SLC30A8: variants seen among roughly 807,000 people sequenced by gnomAD.
SLC30A8 encodes proton-coupled zinc antiporter SLC30A8.
SLC30A8 carries 27 observed loss-of-function variants against 36.9 expected under a neutral mutation model. That is an observed-to-expected ratio of 0.73 (90% CI 0.54 to 1.01). The LOEUF is 1.01. Among genes scored for constraint, SLC30A8 ranks in the 50% least tolerant of loss-of-function variants. The probability of loss-of-function intolerance (pLI) is 0.00; values close to 1 mark genes in which losing one functional copy is unlikely to be tolerated. For missense variants in SLC30A8, 439 were observed against 452.0 expected (o/e 0.97, Z 0.26); for synonymous variants, 164 against 172.4 (o/e 0.95, Z 0.38).
intron 1 of SLC30A8, among the ~76,000 whole-genome samples, chr8:116,983,030 T>A (rs1815329049): frequency 6.6e-6 from 1 of 152,188 alleles, no homozygotes; most frequent in African/African-American, 2.4e-5. Context: ...TTTGATAAAT[T>A]GAAAGAATCT....
chr8:117,147,512 C>G (rs1050581591), intron 2 of SLC30A8: 1 of 195,374 alleles, frequency 5.1e-6, no homozygotes, highest in African/African-American at 2.3e-5. Context: ...CTCTAATATG[C>G]TCCACTGTAA....
At chr8:116,972,613 G>A (rs566306725) in intron 1 of SLC30A8, among the ~76,000 whole-genome samples, 8 of 152,234 alleles carry the variant, frequency 5.3e-5, no homozygotes, top group South Asian at 4.1e-4. Flanking sequence ...CTAAACATAC[G>A]AATTAGTGAA....
chr8:117,157,124 C>G (rs1822530956), intron 3 of SLC30A8, among the ~76,000 whole-genome samples: 1 of 152,144 alleles, frequency 6.6e-6, no homozygotes, highest in South Asian at 2.1e-4. Flanking sequence ...CGTACTGTTG[C>G]TCTTAAAATG....
At chr8:117,003,953 A>C (rs1816094328) in intron 1 of SLC30A8, among the ~76,000 whole-genome samples, 1 of 152,198 alleles carries the variant, frequency 6.6e-6, no homozygotes, top group South Asian at 2.1e-4. Flanking sequence ...CAGAATATTG[A>C]ATGTAAAAAA....
chr8:117,001,492 A>G (rs898793847), intron 1 of SLC30A8, among the ~76,000 whole-genome samples: 1 of 152,106 alleles, frequency 6.6e-6, no homozygotes, highest in Non-Finnish European at 1.5e-5. Context: ...TTTTTCTATG[A>G]CTTGTGACTG....
chr8:117,084,282 C>T (rs1469519521), intron 2 of SLC30A8, among the ~76,000 whole-genome samples: 1 of 152,112 alleles, frequency 6.6e-6, no homozygotes, highest in Non-Finnish European at 1.5e-5. Flanking sequence ...GAATTTCTTC[C>T]TGAAGTCATC....
intron 2 of SLC30A8, among the ~76,000 whole-genome samples, chr8:117,122,058 CAG>C (rs1193109710): frequency 2.0e-5 from 3 of 152,020 alleles, no homozygotes; most frequent in Non-Finnish European, 4.4e-5. Flanking sequence ...AAATGGAAAT[CAG>C]GGTATTAGAG....
At chr8:117,034,081 A>G (rs916144930) in intron 1 of SLC30A8, among the ~76,000 whole-genome samples, 7 of 152,212 alleles carry the variant, frequency 4.6e-5, no homozygotes, top group Admixed American at 4.6e-4. Context: ...GTTTCCTCCT[A>G]GAAATAAAAA....
At chr8:117,035,840 G>A (rs1281594721) in intron 1 of SLC30A8, among the ~76,000 whole-genome samples, 1 of 152,208 alleles carries the variant, frequency 6.6e-6, no homozygotes, top group Non-Finnish European at 1.5e-5. Flanking sequence ...CTTGGAGCTT[G>A]CACCTCTAAA....
Position 117,174,171 on chromosome 8 carries a change from G to A in SLC30A8, c.*1490G>A, listed in dbSNP as rs1823547236. The A allele has an allele frequency of 6.6e-6, 1 of 152,084 alleles. No homozygotes were observed. Among genetic ancestry groups the A allele is most frequent in the Non-Finnish European group, 1.5e-5 (1 of 68,016 alleles). 9.4% of individuals were successfully genotyped at this position (152,084 alleles called of 1,614,324 possible). On this transcript the variant is annotated 3_prime_UTR_variant, in exon 8 of 8. Transcript: ENST00000456015. ...GAGTATTGTAGAGAACAGGAGATAG[G>A]TCTTAGATGATTTTTATGTTGTTGT...
At chr8:117,017,636 A>C (rs1816561535) in intron 1 of SLC30A8, among the ~76,000 whole-genome samples, 1 of 152,226 alleles carries the variant, frequency 6.6e-6, no homozygotes, top group Non-Finnish European at 1.5e-5. Context: ...TAAGTAAGGA[A>C]AGAAGCGAAT....
chr8:117,156,254 A>G (rs1353811341), intron 3 of SLC30A8, among the ~76,000 whole-genome samples: 5 of 152,024 alleles, frequency 3.3e-5, no homozygotes, highest in Admixed American at 2.0e-4. Flanking sequence ...TGTTGGCCAG[A>G]CTGGTCTTGA....
intron 1 of SLC30A8, among the ~76,000 whole-genome samples, chr8:117,140,052 A>G (rs181084408): frequency 1.3e-5 from 2 of 152,190 alleles, no homozygotes; most frequent in African/African-American, 4.8e-5. Flanking sequence ...TTTTTAAAAA[A>G]GAACCAGATG....
intron 4 of SLC30A8, among the ~76,000 whole-genome samples, chr8:117,160,285 T>G (rs1169927962): frequency 6.6e-6 from 1 of 152,208 alleles, no homozygotes; most frequent in Non-Finnish European, 1.5e-5. Flanking sequence ...ATCAGCATAT[T>G]TAACTCTAGC....
chr8:117,089,579 T>G (rs959295892), intron 2 of SLC30A8, among the ~76,000 whole-genome samples: 5 of 152,172 alleles, frequency 3.3e-5, no homozygotes, highest in African/African-American at 1.2e-4. Flanking sequence ...CTGCCTCCAT[T>G]GGCAGTCATT....
At chr8:117,042,813 T>C (rs997423067) in intron 2 of SLC30A8, among the ~76,000 whole-genome samples, 1 of 152,130 alleles carries the variant, frequency 6.6e-6, no homozygotes, top group Admixed American at 6.5e-5. Flanking sequence ...GTAGCTGGGA[T>C]TACAGGCATG....
intron 1 of SLC30A8, among the ~76,000 whole-genome samples, chr8:117,030,151 G>T (rs964002416): frequency 2.0e-5 from 3 of 151,842 alleles, no homozygotes; most frequent in African/African-American, 7.3e-5. Context: ...TATATCAGGG[G>T]ACATGTAGCT....
intron 2 of SLC30A8, among the ~76,000 whole-genome samples, chr8:117,085,259 C>T (rs1057089941): frequency 7.2e-5 from 11 of 152,114 alleles, no homozygotes; most frequent in African/African-American, 2.7e-4. Flanking sequence ...AAGATTAGTT[C>T]TCTTAAGATC....
chr8:117,071,610 A>G (rs2130799347), intron 2 of SLC30A8, among the ~76,000 whole-genome samples: 1 of 152,188 alleles, frequency 6.6e-6, no homozygotes, highest in African/African-American at 2.4e-5. Flanking sequence ...GGTCATGTCT[A>G]AAAATCATTG....
Sources: gnomAD v4.1 joint callset for allele counts (sites outside exome capture counted in the v4.1 genomes callset) on GRCh38, gnomAD v4.1.1 for gene constraint, MANE v1.5 for transcripts, NCBI Gene and HGNC (gene_info 2026-07-23, HGNC 2026-07-21) for gene names.